The following FGF13 variants were observed in gnomAD, a reference collection of about 807,000 sequenced individuals.
FGF13 encodes fibroblast growth factor 13, also known as fibroblast growth factor homologous factor 2.
A neutral mutation model predicts 19.5 loss-of-function variants in FGF13; 2 were observed. The ratio of observed to expected loss-of-function variants is 0.10; its 90% CI spans 0.04 to 0.32. The LOEUF (loss-of-function observed/expected upper bound fraction) is 0.32. Among genes scored for constraint, FGF13 ranks in the 10% least tolerant of loss-of-function variants. The pLI is 1.00. For missense variants in FGF13, 113 were observed against 192.7 expected (o/e 0.59, Z 2.45); for synonymous variants, 72 against 76.9 (o/e 0.94, Z 0.33).
At position 138,891,006 on chromosome X, in the gene FGF13, T is replaced by G. The variant is rs183524473; in HGVS notation, c.-112-26356A>C. ...TAGACTGAGTGGCTTAAAAAAACAT[T>G]TGTGGCCGGGAGCGGTGGCTCACGC... On this transcript the variant is annotated intron_variant, in intron 1 of 2. Coordinates refer to the FGF13 transcript ENST00000421460. Among the ~76,000 whole-genome samples, 138 of 112,170 alleles carry G rather than the reference T, an allele frequency of 1.2e-3. 1 individual carries two copies. The highest frequency in any genetic ancestry group is 4.3e-3 in the African/African-American group (132 of 30,887).
intron 3 of FGF13, among the ~76,000 whole-genome samples, chrX:138,762,198 A>G (rs770029756): frequency 5.5e-5 from 6 of 108,341 alleles, no homozygotes; most frequent in South Asian, 4.0e-4. Context: ...ATCTCATCCT[A>G]TGGTTTCAGG....
At chrX:138,760,867 CT>C (rs1485294139) in intron 3 of FGF13, among the ~76,000 whole-genome samples, 4 of 111,779 alleles carry the variant, frequency 3.6e-5, no homozygotes, top group Non-Finnish European at 7.5e-5. Context: ...TCTCTAACAT[CT>C]CACCATAAGA....
chrX:139,028,583 G>A (rs1603139302), intron 1 of FGF13, among the ~76,000 whole-genome samples: 1 of 6,473 alleles, frequency 1.5e-4, no homozygotes. Context: ...GAGAGAGAGC[G>A]TGTGTGTGTG....
chrX:138,882,586 A>G lies in FGF13; in HGVS notation c.-112-17936T>C, dbSNP rs2091432519. ...CTATGTAAGCTGTTACATCAAGGGA[A>G]GCATGGTTTCATTTTACACCTCAGG... On this transcript the variant is annotated intron_variant, in intron 1 of 2. Transcript: ENST00000421460. Among the ~76,000 whole-genome samples, 5 of 111,950 alleles carry G rather than the reference A, an allele frequency of 4.5e-5. No homozygotes were observed. In the South Asian group the frequency reaches 1.9e-3, roughly 42 times the overall value.
chrX:139,157,772 G>A (rs2083989871), intron 1 of FGF13, among the ~76,000 whole-genome samples: 2 of 113,039 alleles, frequency 1.8e-5, no homozygotes, highest in South Asian at 7.2e-4. Context: ...CCTTAGAACT[G>A]GATGATGGGT....
chrX:139,079,453 T>C, intron 1 of FGF13, among the ~76,000 whole-genome samples: 1 of 111,139 alleles, frequency 9.0e-6, no homozygotes, highest in East Asian at 2.9e-4. Context: ...CCCAAAGGCT[T>C]TGTCTTCAGA....
At chrX:138,724,106 A>G (rs2090167880) in intron 1 of FGF13, among the ~76,000 whole-genome samples, 1 of 111,934 alleles carries the variant, frequency 8.9e-6, no homozygotes, top group South Asian at 3.7e-4. Flanking sequence ...CTTACTTTCC[A>G]TCCAATATTT....
At chrX:138,685,096 C>A (rs968267484) in intron 3 of FGF13, among the ~76,000 whole-genome samples, 1 of 111,440 alleles carries the variant, frequency 9.0e-6, no homozygotes, top group African/African-American at 3.3e-5. Context: ...CGTTTAGCAA[C>A]CACAAGGAGA....
At chrX:138,930,867 T>C (rs2091698140) in intron 1 of FGF13, among the ~76,000 whole-genome samples, 1 of 112,128 alleles carries the variant, frequency 8.9e-6, no homozygotes, top group South Asian at 3.7e-4. Context: ...TGCTATGGGC[T>C]GAAGCACTTG....
intron 1 of FGF13, among the ~76,000 whole-genome samples, chrX:139,055,787 A>C (rs1021692823): frequency 8.9e-6 from 1 of 112,350 alleles, no homozygotes; most frequent in Non-Finnish European, 1.9e-5. Context: ...TTTTTCCACC[A>C]ATCTTCAAGA....
chrX:139,130,189 T>C (rs893163769), intron 1 of FGF13, among the ~76,000 whole-genome samples: 2 of 112,315 alleles, frequency 1.8e-5, no homozygotes, highest in Admixed American at 9.5e-5. Context: ...GGGACTTTAA[T>C]TGGCATGTAG....
At chrX:138,960,945 G>A (rs2091866365) in intron 1 of FGF13, among the ~76,000 whole-genome samples, 1 of 111,431 alleles carries the variant, frequency 9.0e-6, no homozygotes, top group Admixed American at 9.5e-5. Context: ...TCCTGGCGAT[G>A]AGTTCGAACA....
chrX:139,033,027 CAAAAAAAAAAAA>C (rs758766077), intron 1 of FGF13, among the ~76,000 whole-genome samples: 2 of 27,271 alleles, frequency 7.3e-5, no homozygotes, highest in South Asian at 3.8e-3. Flanking sequence ...TCTGATTATC[CAAAAAAAAAAAA>C]AAAAAAAAAA....
chrX:139,124,761 A>G (rs978193725), intron 1 of FGF13, among the ~76,000 whole-genome samples: 1 of 112,447 alleles, frequency 8.9e-6, no homozygotes, highest in African/African-American at 3.2e-5. Flanking sequence ...AGTGCAGTCC[A>G]GAGTTGGTAC....
rs767684262 is a variant in FGF13, at chrX:138,896,976, G to A, written c.-112-32326C>T. Among the ~76,000 whole-genome samples the A allele has an allele frequency of 9.5e-4, 106 of 111,955 alleles. 1 individual carries two copies. The highest frequency in any genetic ancestry group is 3.3e-3 in the African/African-American group (103 of 30,821). ...TTCCGGGGGTGGGAACACGGGACGT[G>A]TAGCATGTACATGTTGGGGCCACTT... is the stretch of plus-strand genomic sequence containing the variant. On this transcript the variant is annotated intron_variant, in intron 1 of 2. Coordinates refer to the FGF13 transcript ENST00000421460.
intron 1 of FGF13, among the ~76,000 whole-genome samples, chrX:139,077,476 G>A (rs2083340267): frequency 9.0e-6 from 1 of 111,424 alleles, no homozygotes; most frequent in Non-Finnish European, 1.9e-5. Flanking sequence ...CATTCTTAGG[G>A]TTAGGGACAA....
chrX:138,885,947 A>C (rs56838802), intron 1 of FGF13, among the ~76,000 whole-genome samples: 5,024 of 111,139 alleles, frequency 0.045, 300 homozygotes, highest in African/African-American at 0.15. Flanking sequence ...CTTCATCTAC[A>C]CCACTTCCAG....
At chrX:138,861,519 T>C (rs2091287981) in intron 2 of FGF13, among the ~76,000 whole-genome samples, 1 of 112,388 alleles carries the variant, frequency 8.9e-6, no homozygotes, top group African/African-American at 3.2e-5. Context: ...TGACAAACAC[T>C]ATGATGAAAT....
At chrX:139,170,181 CCT>C (rs1569460454) in intron 1 of FGF13, among the ~76,000 whole-genome samples, 1 of 111,490 alleles carries the variant, frequency 9.0e-6, no homozygotes, top group African/African-American at 3.3e-5. Flanking sequence ...TTCAGTCCAC[CCT>C]CTGTCTTGCC....
Sources: allele counts gnomAD v4.1 joint callset (sites outside exome capture counted in the v4.1 genomes callset), GRCh38; gene constraint gnomAD v4.1.1; transcripts MANE v1.5; gene names NCBI Gene and HGNC (gene_info 2026-07-23, HGNC 2026-07-21).